PAPPA2: variants seen among roughly 807,000 people sequenced by gnomAD.
The protein encoded by PAPPA2 is pappalysin 2, also known as pappalysin-2.
PAPPA2 carries 86 observed loss-of-function variants against 176.4 expected under a neutral mutation model. That is an observed-to-expected ratio of 0.49 (90% confidence interval 0.41 to 0.58). PAPPA2 has a LOEUF of 0.58. Ranked by LOEUF, PAPPA2 falls within the 20% of genes least tolerant of loss-of-function variation. The pLI is 0.00. For synonymous variants in PAPPA2, 809 were observed against 852.2 expected (o/e 0.95, Z 0.88); for missense variants, 2,073 against 2,256.9 (o/e 0.92, Z 1.65).
intron 1 of PAPPA2, among the ~76,000 whole-genome samples, chr1:176,466,557 T>C (rs1651628122): frequency 6.6e-6 from 1 of 152,142 alleles, no homozygotes; most frequent in Non-Finnish European, 1.5e-5. Flanking sequence ...ACTTACATAT[T>C]ACAGGGAGTC....
At chr1:176,574,921 G>C (rs1036898115) in intron 2 of PAPPA2, among the ~76,000 whole-genome samples, 26 of 152,146 alleles carry the variant, frequency 1.7e-4, no homozygotes, top group African/African-American at 6.0e-4. Flanking sequence ...TTGTAGCCTA[G>C]AGGCAATAGG....
intron 3 of PAPPA2, among the ~76,000 whole-genome samples, chr1:176,658,865 A>G (rs913952911): frequency 6.6e-6 from 1 of 152,056 alleles, no homozygotes; most frequent in African/African-American, 2.4e-5. Context: ...ACTAGAATGG[A>G]TGTGATATTA....
intron 1 of PAPPA2, among the ~76,000 whole-genome samples, chr1:176,481,288 A>ACG (rs964922865): frequency 1.6e-5 from 2 of 121,270 alleles, no homozygotes; most frequent in African/African-American, 7.4e-5. Flanking sequence ...ACACACACAC[A>ACG]CACACACACA....
intron 6 of PAPPA2, among the ~76,000 whole-genome samples, chr1:176,695,203 A>G (rs765064466): frequency 2.6e-5 from 4 of 152,198 alleles, no homozygotes; most frequent in Non-Finnish European, 5.9e-5. Context: ...GAGACGTGAT[A>G]AATAATTTGG....
At chr1:176,741,441 G>A (rs997178566) in intron 14 of PAPPA2, among the ~76,000 whole-genome samples, 4 of 152,192 alleles carry the variant, frequency 2.6e-5, no homozygotes, top group African/African-American at 4.8e-5. Flanking sequence ...GGCAGCCAGT[G>A]ATCCAAGACA....
intron 12 of PAPPA2, among the ~76,000 whole-genome samples, chr1:176,717,378 A>G (rs948582267): frequency 7.9e-5 from 12 of 152,204 alleles, no homozygotes; most frequent in African/African-American, 2.9e-4. Flanking sequence ...CAATGACCCA[A>G]AAGTTACCCT....
chr1:176,713,677 C>G (rs373448764), intron 12 of PAPPA2, among the ~76,000 whole-genome samples: 1 of 151,974 alleles, frequency 6.6e-6, no homozygotes, highest in Non-Finnish European at 1.5e-5. Context: ...ACTGTTCAGT[C>G]CCCCCAGGCC....
chr1:176,793,588 C>G lies in PAPPA2; in HGVS notation c.5049C>G (p.Ile1683Met). ...CAGTGTGTTCCCCATTGTGTGTAAT[C>G]CCCCCCAGTGACCCCGTGATGCTAC... ...IGAVCSPLCV[I>M]PPSDPVMLPE... is the part of the protein sequence containing the mutation. The change falls in exon 20 of 23, where the codon ATC (isoleucine) becomes ATG (methionine). Residue 1683 changes from isoleucine to methionine, a missense_variant. Transcript: ENST00000367662. The G allele has an allele frequency of 1.2e-6, 2 of 1,606,762 alleles. No individual in the cohort carries two copies. Among genetic ancestry groups the G allele is most frequent in the Non-Finnish European group, 1.7e-6 (2 of 1,174,912 alleles).
intron 12 of PAPPA2, among the ~76,000 whole-genome samples, chr1:176,718,722 A>T (rs1278799270): frequency 5.3e-5 from 8 of 151,136 alleles, no homozygotes; most frequent in Non-Finnish European, 1.0e-4. Flanking sequence ...AAAAAAAAAC[A>T]TAGCTAGAGT....
intron 12 of PAPPA2, among the ~76,000 whole-genome samples, chr1:176,729,334 A>T (rs981528768): frequency 1.3e-5 from 2 of 152,022 alleles, no homozygotes; most frequent in Non-Finnish European, 2.9e-5. Flanking sequence ...TTTATATTCC[A>T]TTGGTCTTTT....
chr1:176,714,030 C>T (rs985684901), intron 12 of PAPPA2, among the ~76,000 whole-genome samples: 11 of 152,006 alleles, frequency 7.2e-5, no homozygotes, highest in African/African-American at 2.7e-4. Context: ...AGGATCCCAC[C>T]AAAGGACATA....
chr1:176,764,759 GC>G (rs1250149708), intron 14 of PAPPA2, among the ~76,000 whole-genome samples: 2 of 152,088 alleles, frequency 1.3e-5, no homozygotes, highest in African/African-American at 4.8e-5. Flanking sequence ...ACCACATCCG[GC>G]TAATTGTTTG....
At chr1:176,522,776 T>C (rs991874930) in intron 1 of PAPPA2, among the ~76,000 whole-genome samples, 2 of 152,162 alleles carry the variant, frequency 1.3e-5, no homozygotes, top group Non-Finnish European at 2.9e-5. Context: ...GTTGTTTCTT[T>C]CTAACTCTTC....
At chr1:176,584,179 C>G (rs974714134) in intron 2 of PAPPA2, among the ~76,000 whole-genome samples, 1 of 152,186 alleles carries the variant, frequency 6.6e-6, no homozygotes, top group Non-Finnish European at 1.5e-5. Flanking sequence ...TAGATCCATT[C>G]AGTCTATAGA....
chr1:176,735,979 T>C (rs1662394565), intron 12 of PAPPA2, among the ~76,000 whole-genome samples: 1 of 152,142 alleles, frequency 6.6e-6, no homozygotes, highest in Non-Finnish European at 1.5e-5. Context: ...ACATTGTGCA[T>C]GTAATATATG....
chr1:176,739,928 A>C, intron 13 of PAPPA2, 52 bp from the exon 14 acceptor site: 1 of 1,598,072 alleles, frequency 6.3e-7, no homozygotes, highest in South Asian at 1.1e-5. Flanking sequence ...AAGATATGGA[A>C]ACATGGTACT....
chr1:176,617,828 G>A (rs240095), intron 3 of PAPPA2, among the ~76,000 whole-genome samples: 71,271 of 151,978 alleles, frequency 0.47, 19,130 homozygotes, highest in East Asian at 0.76. Context: ...TGCTGGATTA[G>A]GTCCATTTTT....
Position 176,699,105 on chromosome 1 carries a change from C to G in PAPPA2, c.2752C>G (p.Pro918Ala). 1 of 1,610,580 alleles carries G rather than the reference C, an allele frequency of 6.2e-7. No individual in the cohort carries two copies. The highest frequency in any genetic ancestry group is 2.2e-5 in the East Asian group (1 of 44,776). Residue 918 changes from proline to alanine, a missense_variant, in exon 8 of 23, where the codon CCT becomes GCT. Pro to Ala is a conservative substitution (Grantham distance 27). This residue lies in a region of PAPPA2 where 1,196 missense variants were observed against 1,330.4 expected (regional missense o/e 0.90). Transcript: ENST00000367662. ...YWTPEEAVGP[P>A]DVDQPCEPSL... ...TTCTGCTAATCTCCCCCCAGGGCCTCCTGATGTGGATCAGCCCTGCGAGCC... is the reference window on the plus strand; with the variant it reads ...TTCTGCTAATCTCCCCCCAGGGCCTGCTGATGTGGATCAGCCCTGCGAGCC...
At chr1:176,482,592 C>T (rs1192028426) in intron 1 of PAPPA2, among the ~76,000 whole-genome samples, 1 of 152,182 alleles carries the variant, frequency 6.6e-6, no homozygotes, top group Non-Finnish European at 1.5e-5. Flanking sequence ...ACAAGGATCA[C>T]TGAAATACCA....
Sources: allele counts gnomAD v4.1 joint callset (sites outside exome capture counted in the v4.1 genomes callset), GRCh38; gene constraint gnomAD v4.1.1; regional missense constraint gnomAD v4.1.1; transcripts MANE v1.5; gene names NCBI Gene and HGNC (gene_info 2026-07-23, HGNC 2026-07-21).